RNF2: variants seen among roughly 807,000 people sequenced by gnomAD.
RNF2 encodes the protein E3 ubiquitin-protein ligase RING2.
A neutral mutation model predicts 37.2 loss-of-function variants in RNF2; 6 were observed. That is an observed-to-expected ratio of 0.16 (90% CI 0.09 to 0.32). The LOEUF is 0.32. Among genes scored for constraint, RNF2 ranks in the 10% least tolerant of loss-of-function variants. The pLI is 1.00. For synonymous variants in RNF2, 133 were observed against 132.7 expected (o/e 1.00, Z -0.02); for missense variants, 251 against 404.0 (o/e 0.62, Z 3.25).
In RNF2 at chr1:185,081,813, GT is replaced by G. The variant is rs1381079624; in HGVS notation, c.-2-5735del. ...ATCAGTGCCAGCCGTGGGCATTGCA[GT>G]TTTCGGTGCATCTCGATTTGCTGAG... On this transcript the variant is annotated intron_variant, in intron 1 of 6. Coordinates refer to ENST00000367510, the MANE Select transcript of RNF2 (RefSeq NM_007212.4). 5.9e-5 allele frequency among the ~76,000 whole-genome samples: 9 copies of G among 152,282 alleles called. No individual in the cohort carries two copies. The East Asian group carries it at 1.7e-3, about 29-fold the overall frequency.
chr1:185,054,784 G>A (rs945757652), intron 1 of RNF2, among the ~76,000 whole-genome samples: 1 of 152,130 alleles, frequency 6.6e-6, no homozygotes, highest in Non-Finnish European at 1.5e-5. Context: ...TGCATCCTCC[G>A]CCTGCCGGGG....
chr1:185,082,404 G>A (rs1374024266), intron 1 of RNF2, among the ~76,000 whole-genome samples: 1 of 136,042 alleles, frequency 7.4e-6, no homozygotes, highest in East Asian at 2.3e-4. Flanking sequence ...AGGCTGGAGT[G>A]CAGTGGCACG....
intron 1 of RNF2, among the ~76,000 whole-genome samples, chr1:185,058,246 G>A (rs1448477005): frequency 2.0e-5 from 3 of 152,246 alleles, no homozygotes; most frequent in East Asian, 1.9e-4. Context: ...GAGGATGTGT[G>A]TAGGTTATGC....
intron 1 of RNF2, among the ~76,000 whole-genome samples, chr1:185,051,244 C>T (rs1650263073): frequency 6.6e-6 from 1 of 152,180 alleles, no homozygotes; most frequent in Non-Finnish European, 1.5e-5. Context: ...GGACGGCTGT[C>T]TTGGAACCCA....
chr1:185,052,698 AAGTT>A (rs1170322784), intron 1 of RNF2, among the ~76,000 whole-genome samples: 2 of 152,218 alleles, frequency 1.3e-5, no homozygotes, highest in African/African-American at 4.8e-5. Context: ...TCACCCCAGT[AAGTT>A]TTTTTAAAAA....
intron 1 of RNF2, among the ~76,000 whole-genome samples, chr1:185,062,342 A>G (rs1182745743): frequency 6.6e-6 from 1 of 152,206 alleles, no homozygotes; most frequent in Admixed American, 6.5e-5. Context: ...TCAGATAGAC[A>G]CACATGCATA....
chr1:185,071,381 C>G (rs570445750), intron 1 of RNF2, among the ~76,000 whole-genome samples: 19 of 152,072 alleles, frequency 1.2e-4, no homozygotes, highest in African/African-American at 4.3e-4. Context: ...TTGGGAGATA[C>G]GTGACCCTCT....
intron 1 of RNF2, among the ~76,000 whole-genome samples, chr1:185,052,082 C>A (rs369585492): frequency 9.3e-4 from 142 of 152,168 alleles, no homozygotes; most frequent in Middle Eastern, 3.4e-3. Context: ...TGACACCCCC[C>A]ATTATTTTCC....
At chr1:185,098,825 C>T (rs932105161) in intron 5 of RNF2, among the ~76,000 whole-genome samples, 1 of 150,648 alleles carries the variant, frequency 6.6e-6, no homozygotes, top group Middle Eastern at 3.3e-3. Context: ...GATCTCGGCT[C>T]ACTGCAGCCT....
chr1:185,093,875 T>C (rs1457961062), intron 4 of RNF2, among the ~76,000 whole-genome samples: 1 of 152,188 alleles, frequency 6.6e-6, no homozygotes, highest in Non-Finnish European at 1.5e-5. Flanking sequence ...CTCTTTTCAA[T>C]ACAAAATCTG....
intron 1 of RNF2, among the ~76,000 whole-genome samples, chr1:185,067,734 G>A (rs1373706677): frequency 1.4e-5 from 2 of 140,754 alleles, no homozygotes; most frequent in African/African-American, 5.5e-5. Flanking sequence ...TTTTTGAGAC[G>A]GAGTCTTGCT....
chr1:185,085,118 A>G (rs1024257201), intron 1 of RNF2, among the ~76,000 whole-genome samples: 2 of 148,750 alleles, frequency 1.3e-5, no homozygotes, highest in African/African-American at 2.5e-5. Flanking sequence ...GCTTTCTCAG[A>G]GCCATATTTG....
intron 1 of RNF2, among the ~76,000 whole-genome samples, chr1:185,060,055 T>G (rs1429861627): frequency 6.6e-6 from 1 of 152,214 alleles, no homozygotes; most frequent in Non-Finnish European, 1.5e-5. Context: ...AAGCTAACAT[T>G]GGAACTTGAT....
At chr1:185,055,893 A>G (rs1650421120) in intron 1 of RNF2, among the ~76,000 whole-genome samples, 3 of 152,136 alleles carry the variant, frequency 2.0e-5, no homozygotes, top group Admixed American at 1.3e-4. Flanking sequence ...GGGCTCTTTG[A>G]ATTAGTGCAA....
chr1:185,081,921 A>G (rs962447933), intron 1 of RNF2, among the ~76,000 whole-genome samples: 40 of 152,286 alleles, frequency 2.6e-4, no homozygotes, highest in Non-Finnish European at 4.9e-4. Flanking sequence ...CAGACCACCA[A>G]ACAGTGACCA....
intron 1 of RNF2, among the ~76,000 whole-genome samples, chr1:185,062,958 C>A (rs1355625845): frequency 6.6e-6 from 1 of 152,082 alleles, no homozygotes; most frequent in African/African-American, 2.4e-5. Flanking sequence ...TTGCTCTTCC[C>A]TAATTGGTAG....
At chr1:185,070,819 G>A (rs1348387810) in intron 1 of RNF2, among the ~76,000 whole-genome samples, 1 of 151,688 alleles carries the variant, frequency 6.6e-6, no homozygotes, top group Non-Finnish European at 1.5e-5. Context: ...TTTATTTTTA[G>A]TAGAGACTGG....
At chr1:185,049,585 G>A (rs1038031276) in intron 1 of RNF2, among the ~76,000 whole-genome samples, 24 of 151,600 alleles carry the variant, frequency 1.6e-4, no homozygotes, top group Non-Finnish European at 3.2e-4. Flanking sequence ...GTTTTACAAT[G>A]TGCTAGGGTA....
At chr1:185,074,730 G>A (rs184313483) in intron 1 of RNF2, among the ~76,000 whole-genome samples, 32 of 152,070 alleles carry the variant, frequency 2.1e-4, no homozygotes, top group African/African-American at 6.3e-4. Context: ...TTTTTTTCTC[G>A]TGTCATTATT....
Sources: allele counts gnomAD v4.1 joint callset (sites outside exome capture counted in the v4.1 genomes callset), GRCh38; gene constraint gnomAD v4.1.1; transcripts MANE v1.5; gene names NCBI Gene and HGNC (gene_info 2026-07-23, HGNC 2026-07-21).